Variants in AFG1L observed in about 807,000 individuals in gnomAD.
The protein encoded by AFG1L is AFG1-like ATPase.
Under a neutral mutation model 62.2 loss-of-function variants are expected in AFG1L, and 53 were observed. The ratio of observed to expected loss-of-function variants is 0.85; its 90% CI spans 0.68 to 1.07. The LOEUF (loss-of-function observed/expected upper bound fraction) is 1.07, where lower values mean the gene tolerates loss of function less well. Ranked by LOEUF, AFG1L falls within the 50% of genes least tolerant of loss-of-function variation. The probability of loss-of-function intolerance (pLI) is 0.00; values close to 1 mark genes in which losing one functional copy is unlikely to be tolerated. For synonymous variants in AFG1L, 228 were observed against 210.3 expected (o/e 1.08, Z -0.73); for missense variants, 555 against 590.5 (o/e 0.94, Z 0.62).
chr6:108,320,339 G>C (rs1484355595), intron 1 of AFG1L, among the ~76,000 whole-genome samples: 1 of 152,142 alleles, frequency 6.6e-6, no homozygotes, highest in Non-Finnish European at 1.5e-5. Flanking sequence ...TTTGCAATTG[G>C]TTAAGGAAAC....
intron 6 of AFG1L, among the ~76,000 whole-genome samples, chr6:108,377,153 G>A (rs1582470232): frequency 6.6e-6 from 1 of 151,878 alleles, no homozygotes; most frequent in Non-Finnish European, 1.5e-5. Context: ...CATGTGAGAT[G>A]CGTCTCTTGA....
intron 10 of AFG1L, among the ~76,000 whole-genome samples, chr6:108,480,429 A>G (rs10872024): frequency 0.67 from 102,148 of 152,132 alleles, 36,256 homozygotes; most frequent in African/African-American, 0.92. Flanking sequence ...CCAGAGCTCA[A>G]ACTTCTTGGT....
intron 7 of AFG1L, among the ~76,000 whole-genome samples, chr6:108,417,235 AACACACAC>A (rs147614070): frequency 1.5e-5 from 2 of 133,556 alleles, no homozygotes; most frequent in Non-Finnish European, 3.1e-5. Context: ...CATTGTCTTA[AACACACAC>A]ACACACACAC....
At chr6:108,470,055 T>C (rs542168661) in intron 8 of AFG1L, among the ~76,000 whole-genome samples, 86 of 152,354 alleles carry the variant, frequency 5.6e-4, no homozygotes, top group Non-Finnish European at 9.4e-4. Context: ...GGAGAGTTCT[T>C]TGGTGAGAAC....
intron 6 of AFG1L, among the ~76,000 whole-genome samples, chr6:108,373,334 T>G (rs940973674): frequency 1.4e-4 from 22 of 152,194 alleles, no homozygotes; most frequent in African/African-American, 5.1e-4. Context: ...GCTAATGGCC[T>G]CGAGCTGCAT....
rs995252043 is a variant in AFG1L, at chr6:108,323,830, A to G, written c.145A>G (p.Thr49Ala). Residue 49 changes from threonine (T) to alanine (A), a missense_variant, in exon 2 of 13, where the codon ACG becomes GCG. By Grantham distance (58) the Thr-to-Ala change is moderately conservative (BLOSUM62 0). Transcript: ENST00000368977. ...TTTTATGTTTTTGTTTATAGCCTAT[A>G]CGGTTCAGACATCCGAGAGCATGAC... Reference protein sequence around the residue: ...APGKPFWKAYTVQTSESMTPT... With the variant: ...APGKPFWKAYAVQTSESMTPT... The G allele has an allele frequency of 6.2e-7, 1 of 1,612,810 alleles. No individual in the cohort carries two copies. Among genetic ancestry groups the G allele is most frequent in the Non-Finnish European group, 8.5e-7 (1 of 1,178,890 alleles).
intron 8 of AFG1L, among the ~76,000 whole-genome samples, chr6:108,450,446 GTTGTT>G (rs1209081930): frequency 6.6e-6 from 1 of 152,056 alleles, no homozygotes. Context: ...TGTTGATGGG[GTTGTT>G]TTTTTTCTTG....
At position 108,449,969 on chromosome 6, in the gene AFG1L, C is replaced by A. The variant is rs374092233; in HGVS notation, c.890+2673C>A. On this transcript the variant is annotated intron_variant, in intron 8 of 12. Coordinates refer to ENST00000368977, the MANE Select transcript of AFG1L (RefSeq NM_145315.5). Reference sequence around the variant, plus strand: ...TGGCTGCATAGTATTCCATGGTGTACATGTGCCACATTTTCTTAATCCAGT... The same window carrying A: ...TGGCTGCATAGTATTCCATGGTGTAAATGTGCCACATTTTCTTAATCCAGT... Among the ~76,000 whole-genome samples the A allele has an allele frequency of 4.6e-5, 7 of 152,248 alleles. No homozygotes were observed. The East Asian group carries it at 1.4e-3, about 29-fold the overall frequency.
intron 10 of AFG1L, among the ~76,000 whole-genome samples, chr6:108,505,092 C>CT (rs1774347019): frequency 7.8e-6 from 1 of 128,640 alleles, no homozygotes; most frequent in Non-Finnish European, 1.7e-5. Flanking sequence ...TTTTTTTTTT[C>CT]TTTTTTCTTT....
Position 108,373,587 on chromosome 6 carries a change from ATT to A in AFG1L, c.748+7272_748+7273del, listed in dbSNP as rs879277202. ...TGCTGGGTCAAATGGTAGTTCTGAG[ATT>A]TTTTTTTTTTTTTTTTGAGATGGAG... On this transcript the variant is annotated intron_variant, in intron 6 of 12. Transcript: ENST00000368977. Among the ~76,000 whole-genome samples, 743 of 133,288 alleles carry A rather than the reference ATT, an allele frequency of 5.6e-3. 4 individuals carry two copies. Among genetic ancestry groups the A allele is most frequent in the African/African-American group, 0.019 (705 of 36,270 alleles). 87.4% of individuals were successfully genotyped at this position (133,288 alleles called of 152,430 possible). A position where few individuals can be genotyped will look rare whatever the true frequency, so the allele number is the denominator to read the frequency against.
intron 7 of AFG1L, among the ~76,000 whole-genome samples, chr6:108,414,114 C>T (rs1782244320): frequency 6.6e-6 from 1 of 152,122 alleles, no homozygotes; most frequent in Admixed American, 6.5e-5. Flanking sequence ...CACAGAAATA[C>T]AAACTACCAT....
chr6:108,331,801 T>C (rs552711774), intron 2 of AFG1L, among the ~76,000 whole-genome samples: 46 of 152,334 alleles, frequency 3.0e-4, no homozygotes, highest in African/African-American at 1.0e-3. Context: ...GGAGCTACTC[T>C]GAAAATCTCT....
intron 3 of AFG1L, among the ~76,000 whole-genome samples, chr6:108,347,989 G>C (rs1778929372): frequency 6.6e-6 from 1 of 152,090 alleles, no homozygotes; most frequent in Admixed American, 6.5e-5. Context: ...CGTTATGAGG[G>C]AGTGATGGCA....
chr6:108,342,618 A>C (rs1174159509), intron 2 of AFG1L, among the ~76,000 whole-genome samples: 1 of 152,062 alleles, frequency 6.6e-6, no homozygotes, highest in African/African-American at 2.4e-5. Context: ...TGATCCTCTG[A>C]TTTTTCCCTT....
intron 6 of AFG1L, among the ~76,000 whole-genome samples, chr6:108,398,780 G>T (rs946507563): frequency 7.9e-5 from 12 of 152,010 alleles, no homozygotes; most frequent in Admixed American, 5.2e-4. Flanking sequence ...TTTGTTTCTG[G>T]GTTCTCTATT....
At chr6:108,372,237 T>G (rs1440332032) in intron 6 of AFG1L, among the ~76,000 whole-genome samples, 1 of 151,980 alleles carries the variant, frequency 6.6e-6, no homozygotes, top group Non-Finnish European at 1.5e-5. Context: ...TTTATTTTTA[T>G]TTTTTGCTAG....
At chr6:108,513,258 CAGTG>C (rs1231557862) in intron 11 of AFG1L, among the ~76,000 whole-genome samples, 2 of 152,198 alleles carry the variant, frequency 1.3e-5, no homozygotes, top group Non-Finnish European at 2.9e-5. Context: ...GATTGTCAGA[CAGTG>C]GGTGCAGGAC....
Position 108,493,604 on chromosome 6 carries a change from C to G in AFG1L, c.1062+16312C>G, listed in dbSNP as rs1182965847. Reference sequence around the variant, plus strand: ...CCCATTTCCAAAAGGAGCAACTTGACTTCTCCTAGATTTTAGATGTCTACC... The same window carrying G: ...CCCATTTCCAAAAGGAGCAACTTGAGTTCTCCTAGATTTTAGATGTCTACC... On this transcript the variant is annotated intron_variant, in intron 10 of 12. Transcript: ENST00000368977. 2.0e-5 allele frequency among the ~76,000 whole-genome samples: 3 copies of G among 152,180 alleles called. No homozygotes were observed. In the South Asian group the frequency reaches 6.2e-4, roughly 32 times the overall value.
intron 3 of AFG1L, among the ~76,000 whole-genome samples, chr6:108,351,769 A>T (rs1779089378): frequency 6.6e-6 from 1 of 151,968 alleles, no homozygotes; most frequent in African/African-American, 2.4e-5. Context: ...AAACATTTCC[A>T]GTGTATGATT....
Sources: gnomAD v4.1 joint callset for allele counts (sites outside exome capture counted in the v4.1 genomes callset) on GRCh38, gnomAD v4.1.1 for gene constraint, MANE v1.5 for transcripts, NCBI Gene and HGNC (gene_info 2026-07-23, HGNC 2026-07-21) for gene names.